GMEB1: variants seen among roughly 807,000 people sequenced by gnomAD.
GMEB1 encodes glucocorticoid modulatory element binding protein 1.
Under a neutral mutation model 52.4 loss-of-function variants are expected in GMEB1, and 6 were observed. That is an observed-to-expected ratio of 0.11 (90% CI 0.06 to 0.23). The LOEUF is 0.23. GMEB1 is among the 10% of genes least tolerant of loss of function. The pLI is 1.00. For missense variants in GMEB1, 486 were observed against 685.6 expected (o/e 0.71, Z 3.25); for synonymous variants, 255 against 244.9 (o/e 1.04, Z -0.38).
At chr1:28,675,018 C>CTTTT (rs1439790151) in intron 1 of GMEB1, among the ~76,000 whole-genome samples, 2 of 81,486 alleles carry the variant, frequency 2.5e-5, no homozygotes, top group African/African-American at 4.9e-5. Context: ...CGCGCCCGGC[C>CTTTT]TTTTTTTTTT....
rs187338744 is a variant in GMEB1 at position 28,704,686 on chromosome 1, A to G, written c.868+357A>G. On this transcript the variant is annotated intron_variant, in intron 8 of 9. Transcript: ENST00000373816. ...AGTAGCGCAATCTCAGCTCACTGCA[A>G]CCTCCGCCTCCTGGGTTTTAAGCAA... 4.9e-3 allele frequency among the ~76,000 whole-genome samples: 747 copies of G among 151,932 alleles called. 9 individuals are homozygous for G. Among genetic ancestry groups the G allele is most frequent in the African/African-American group, 0.017 (720 of 41,460 alleles).
chr1:28,669,054 G>A (rs1668746773), intron 1 of GMEB1, among the ~76,000 whole-genome samples: 1 of 146,282 alleles, frequency 6.8e-6, no homozygotes, highest in Non-Finnish European at 1.5e-5. Context: ...GGGGGACGCT[G>A]CCGCTGGGTC....
chr1:28,679,476 C>A (rs946049216), intron 1 of GMEB1, among the ~76,000 whole-genome samples: 3 of 152,148 alleles, frequency 2.0e-5, no homozygotes, highest in Non-Finnish European at 2.9e-5. Flanking sequence ...CTGTGCCTGG[C>A]CCCTTTCTAG....
chr1:28,690,315 C>T (rs779065595), intron 3 of GMEB1, 129 bp downstream of exon 3: 35 of 545,998 alleles, frequency 6.4e-5, no homozygotes, highest in Admixed American at 1.4e-4. Flanking sequence ...TGTGCCCTAC[C>T]AGTACTACAG....
intron 3 of GMEB1, among the ~76,000 whole-genome samples, chr1:28,691,384 A>G (rs1669955334): frequency 6.6e-6 from 1 of 152,156 alleles, no homozygotes; most frequent in African/African-American, 2.4e-5. Context: ...ATGTGTGTAA[A>G]ATACATAGTA....
chr1:28,670,244 C>T (rs1169115945), intron 1 of GMEB1, among the ~76,000 whole-genome samples: 3 of 152,004 alleles, frequency 2.0e-5, no homozygotes, highest in African/African-American at 7.2e-5. Flanking sequence ...CTTCCGCCTC[C>T]TGGGTTCAAA....
chr1:28,695,592 A>C (rs187970961), intron 5 of GMEB1, among the ~76,000 whole-genome samples: 7 of 151,892 alleles, frequency 4.6e-5, no homozygotes, highest in Non-Finnish European at 8.8e-5. Flanking sequence ...GTTTTTATTT[A>C]AAAAATTTTT....
chr1:28,668,631 G>A (rs1372718326), upstream of GMEB1: 1 of 153,004 alleles, frequency 6.5e-6, no homozygotes, highest in Admixed American at 6.5e-5. Context: ...CTTAGGTAAG[G>A]CCCAAATCCC....
chr1:28,671,091 T>G (rs761183007), intron 1 of GMEB1, among the ~76,000 whole-genome samples: 22 of 152,164 alleles, frequency 1.4e-4, no homozygotes, highest in Admixed American at 3.3e-4. Flanking sequence ...CCTCAGTGTT[T>G]CTGCATAATT....
intron 2 of GMEB1, chr1:28,689,838 G>A (rs1290607670): frequency 6.1e-6 from 2 of 330,096 alleles, no homozygotes; most frequent in African/African-American, 2.2e-5. Flanking sequence ...TAATACAGTA[G>A]CAAGTGGTGG....
intron 8 of GMEB1, among the ~76,000 whole-genome samples, chr1:28,707,753 G>A (rs995083161): frequency 1.3e-5 from 2 of 152,150 alleles, no homozygotes; most frequent in African/African-American, 4.8e-5. Flanking sequence ...GTGGAATACA[G>A]GAAAGAGGTC....
intron 8 of GMEB1, among the ~76,000 whole-genome samples, chr1:28,705,950 C>T (rs541952214): frequency 2.1e-5 from 3 of 144,346 alleles, no homozygotes; most frequent in Non-Finnish European, 3.1e-5. Context: ...GTCAGGAGAT[C>T]GAGACCATCC....
At chr1:28,670,202 A>C (rs961449087) in intron 1 of GMEB1, among the ~76,000 whole-genome samples, 6 of 145,180 alleles carry the variant, frequency 4.1e-5, no homozygotes, top group African/African-American at 1.3e-4. Flanking sequence ...GTCTCACTCT[A>C]TCGCCCAGGC....
At position 28,690,974 on chromosome 1, in the gene GMEB1, T is replaced by C. The variant is rs143279562; in HGVS notation, c.212-611T>C. Among the ~76,000 whole-genome samples the C allele has an allele frequency of 3.4e-3, 505 of 146,470 alleles. 3 individuals are homozygous for C. The highest frequency in any genetic ancestry group is 0.012 in the African/African-American group (488 of 39,360). ...CAGCCTGGGCAACAAGAGCGAGACATCATCCTAAAAAAAATAAATAAATAA... is the reference window on the plus strand; with the variant it reads ...CAGCCTGGGCAACAAGAGCGAGACACCATCCTAAAAAAAATAAATAAATAA... On this transcript the variant is annotated intron_variant, in intron 3 of 9. Transcript: ENST00000373816.
At chr1:28,696,403 G>A (rs1398230352) in intron 5 of GMEB1, among the ~76,000 whole-genome samples, 1 of 152,020 alleles carries the variant, frequency 6.6e-6, no homozygotes, top group East Asian at 1.9e-4. Context: ...GTTGTTCTTG[G>A]CGGGTTTTAT....
chr1:28,697,202 TA>T, intron 6 of GMEB1, 118 bp downstream of exon 6: 1 of 208,572 alleles, frequency 4.8e-6, no homozygotes, highest in Non-Finnish European at 9.3e-6. Context: ...TATATATATG[TA>T]TTTTTTTATT....
At chr1:28,704,752 C>T (rs534164943) in intron 8 of GMEB1, among the ~76,000 whole-genome samples, 3 of 152,106 alleles carry the variant, frequency 2.0e-5, no homozygotes, top group South Asian at 4.2e-4. Flanking sequence ...GGATTACAGG[C>T]GCCCACCACC....
chr1:28,712,901 C>T (rs901564436), intron 9 of GMEB1, among the ~76,000 whole-genome samples: 1 of 151,714 alleles, frequency 6.6e-6, no homozygotes, highest in Non-Finnish European at 1.5e-5. Flanking sequence ...GCCTGTAATC[C>T]CAGCAATTTG....
At position 28,683,547 on chromosome 1, in the gene GMEB1, C is replaced by T; in HGVS notation, c.-30-36C>T. ...CCCGGCCTGTTGACATCTTTTTAAA[C>T]CAGATTAAGTTATTGGTGCTTCTTG... On this transcript the variant is annotated intron_variant, in intron 1 of 9. Coordinates refer to ENST00000373816, the MANE Select transcript of GMEB1 (RefSeq NM_001319674.2). The T allele has an allele frequency of 2.6e-6, 4 of 1,523,866 alleles. No individual in the cohort carries two copies. The South Asian group carries it at 5.1e-5, about 19-fold the overall frequency. 94.4% of individuals were successfully genotyped at this position (1,523,866 alleles called of 1,614,324 possible). A position where few individuals can be genotyped will look rare whatever the true frequency, so the allele number is the denominator to read the frequency against.
Sources: gnomAD v4.1 joint callset for allele counts (sites outside exome capture counted in the v4.1 genomes callset) on GRCh38, gnomAD v4.1.1 for gene constraint, MANE v1.5 for transcripts, NCBI Gene and HGNC (gene_info 2026-07-23, HGNC 2026-07-21) for gene names.